Variants in TPM1 observed in about 807,000 individuals in gnomAD.
TPM1 encodes the protein tropomyosin 1.
TPM1 carries 24 observed loss-of-function variants against 42.9 expected under a neutral mutation model. The observed-to-expected ratio is 0.56, with a 90% CI of 0.41 to 0.79. The LOEUF is 0.79. TPM1 is among the 30% of genes least tolerant of loss of function. The pLI, the probability that TPM1 is intolerant of heterozygous loss-of-function variation, is 0.00. For missense variants in TPM1, 158 were observed against 351.8 expected (o/e 0.45, Z 4.41); for synonymous variants, 136 against 130.1 (o/e 1.05, Z -0.31).
At chr15:63,051,540 T>C (rs2033870929) in intron 2 of TPM1, among the ~76,000 whole-genome samples, 1 of 152,166 alleles carries the variant, frequency 6.6e-6, no homozygotes, top group Admixed American at 6.5e-5. Context: ...ATCAGTGTTT[T>C]TTTTTTTCCC....
chr15:63,054,201 G>T (rs920945789), intron 2 of TPM1, among the ~76,000 whole-genome samples: 1 of 152,140 alleles, frequency 6.6e-6, no homozygotes, highest in African/African-American at 2.4e-5. Context: ...CTAGAAACTG[G>T]TCTCCATGCC....
rs778512417 is a variant in TPM1, at chr15:63,048,750, C to T, written c.240+4598C>T. ...CACCCCGCAGCCCCCAGAGGCGCAT[C>T]CTCCCGGGGCAGCCCCGCAGGGCCC... is the stretch of plus-strand genomic sequence containing the variant. On this transcript the variant is annotated intron_variant, in intron 2 of 9. Transcript: ENST00000403994. 4 of 1,519,086 alleles carry T rather than the reference C, an allele frequency of 2.6e-6. No individual in the cohort carries two copies. In the South Asian group the frequency reaches 4.9e-5, roughly 19 times the overall value. The allele number at this position is 1,519,086 out of a possible 1,614,324, so 94.1% of individuals were successfully genotyped here.
At chr15:63,067,487 G>C (rs1173065597), downstream of TPM1, among the ~76,000 whole-genome samples, 1 of 152,080 alleles carries the variant, frequency 6.6e-6, no homozygotes, top group East Asian at 1.9e-4. Context: ...TCCTGATGTA[G>C]ACAAAATGCC....
chr15:63,065,583 A>ATTC, intron 9 of TPM1: 2 of 985,374 alleles, frequency 2.0e-6, no homozygotes, highest in Non-Finnish European at 2.4e-6. Flanking sequence ...AAATGTGGTG[A>ATTC]TTCTTTGGGA....
chr15:63,071,270 G>A (rs983269586), exon 9 of TPM1: 78 of 1,347,258 alleles, frequency 5.8e-5, no homozygotes, highest in Non-Finnish European at 7.3e-5. Flanking sequence ...TTTTACCACT[G>A]TCACAGAAAC....
chr15:63,052,549 G>A (rs981621417), intron 2 of TPM1, among the ~76,000 whole-genome samples: 2 of 150,182 alleles, frequency 1.3e-5, no homozygotes, highest in Non-Finnish European at 3.0e-5. Context: ...GAAGAAGAAA[G>A]CTAACTCAGT....
chr15:63,049,279 G>A (rs1645364323), intron 2 of TPM1: 1 of 171,404 alleles, frequency 5.8e-6, no homozygotes, highest in Non-Finnish European at 1.3e-5. Flanking sequence ...TGCTGGAAGA[G>A]CTAAACTATA....
chr15:63,062,786 T>C (rs1596387742), intron 8 of TPM1, 141 bp downstream of exon 8: 1 of 1,549,904 alleles, frequency 6.5e-7, no homozygotes, highest in Middle Eastern at 1.7e-4. Flanking sequence ...CTGGGGTTTT[T>C]CTCTGTGGCT....
Position 63,064,582 on chromosome 15 carries a change from G to T in TPM1, c.851+440G>T, listed in dbSNP as rs180784806. The T allele has an allele frequency of 3.5e-4, 358 of 1,037,034 alleles. 4 individuals are homozygous for T. The African/African-American group carries it at 5.6e-3, about 16-fold the overall frequency. The allele number at this position is 1,037,034 out of a possible 1,614,324, so 64.2% of individuals were successfully genotyped here. ...TTTGAAGGAACCCTTAAAGTGTCAG[G>T]TTATTGAGAATCTGAGGATAAGGAA... is the stretch of plus-strand genomic sequence containing the variant. On this transcript the variant is annotated intron_variant, in intron 9 of 9. Coordinates refer to ENST00000403994, the MANE Select transcript of TPM1 (RefSeq NM_001018005.2).
chr15:63,042,966 GC>G, intron 1 of TPM1, 23 bp downstream of exon 1: 1 of 1,570,438 alleles, frequency 6.4e-7, no homozygotes. Flanking sequence ...CCGGCCCTGC[GC>G]CCGCGCCCAG....
At chr15:63,060,628 CTT>C (rs1208971493) in intron 4 of TPM1, among the ~76,000 whole-genome samples, 7 of 152,348 alleles carry the variant, frequency 4.6e-5, no homozygotes, top group African/African-American at 1.4e-4. Flanking sequence ...CTAGGTCAGA[CTT>C]CCAATTGAGA....
chr15:63,050,673 A>G (rs1174668722), intron 2 of TPM1, among the ~76,000 whole-genome samples: 1 of 152,184 alleles, frequency 6.6e-6, no homozygotes, highest in Non-Finnish European at 1.5e-5. Context: ...TACCTGGGTG[A>G]TTGATTGAAC....
intron 5 of TPM1, 82 bp from the exon 6 acceptor site, chr15:63,061,630 AT>A: frequency 1.5e-6 from 2 of 1,349,748 alleles, no homozygotes; most frequent in Non-Finnish European, 2.1e-6. Context: ...CTCAGTTTTC[AT>A]TTTTTCCCAT....
chr15:63,068,415 A>G (rs941681436), downstream of TPM1, among the ~76,000 whole-genome samples: 7 of 152,230 alleles, frequency 4.6e-5, no homozygotes, highest in African/African-American at 1.7e-4. Flanking sequence ...CAAAGAGGAC[A>G]GAGCAGCAGA....
intron 3 of TPM1, 72 bp from the exon 4 acceptor site, chr15:63,059,491 C>G: frequency 8.1e-7 from 1 of 1,231,876 alleles, no homozygotes; most frequent in Non-Finnish European, 1.2e-6. Context: ...CCTCACAAGC[C>G]ACAGCAGTGC....
Position 63,061,722 on chromosome 15 carries a change from C to T in TPM1, c.573C>T (p.Ala191=), listed in dbSNP as rs780507307. ...ERAELSEGKC[A]ELEEELKTVT... ...TGATCGAAAACATTAGCAAATGTGC[C>T]GAGCTTGAAGAAGAATTGAAAACTG... Residue 191 remains alanine (A), a synonymous_variant, in exon 6 of 10, where the codon GCC becomes GCT. Coordinates refer to ENST00000403994, the MANE Select transcript of TPM1 (RefSeq NM_001018005.2). 10 of 1,613,884 alleles carry T rather than the reference C, an allele frequency of 6.2e-6. No individual in the cohort carries two copies. Among genetic ancestry groups the T allele is most frequent in the African/African-American group, 2.7e-5 (2 of 74,882 alleles).
chr15:63,064,293 C>T, intron 9 of TPM1, 151 bp downstream of exon 9: 1 of 1,525,660 alleles, frequency 6.6e-7, no homozygotes, highest in Non-Finnish European at 8.8e-7. Context: ...TGTTTTTTCA[C>T]TTTCTGCTAA....
intron 2 of TPM1, chr15:63,055,722 C>G (rs2034671523): frequency 2.0e-5 from 3 of 152,300 alleles, no homozygotes. Flanking sequence ...CCCACCACCC[C>G]TTAGTGAACA....
rs779737809 is a variant in TPM1 at position 63,044,101 on chromosome 15, T to C, written c.189T>C (p.Ala63=). The C allele has an allele frequency of 6.2e-7, 1 of 1,614,078 alleles. No individual in the cohort carries two copies. The highest frequency in any genetic ancestry group is 1.7e-5 in the Admixed American group (1 of 60,016). Residue 63 remains alanine (A), a synonymous_variant, in exon 2 of 10, where the codon GCT becomes GCC. Coordinates refer to ENST00000403994, the MANE Select transcript of TPM1 (RefSeq NM_001018005.2). ...ATGAACTGGACAAATACTCTGAGGC[T>C]CTCAAAGATGCCCAGGAGAAGCTGG... is the stretch of plus-strand genomic sequence containing the variant. ...TEDELDKYSE[A]LKDAQEKLEL...
Sources: allele counts gnomAD v4.1 joint callset (sites outside exome capture counted in the v4.1 genomes callset), GRCh38; gene constraint gnomAD v4.1.1; transcripts MANE v1.5; gene names NCBI Gene and HGNC (gene_info 2026-07-23, HGNC 2026-07-21).